LYRM4: variants seen among roughly 807,000 people sequenced by gnomAD.
LYRM4 encodes LYR motif containing 4, also known as LYR motif-containing protein 4.
Under a neutral mutation model 11.7 loss-of-function variants are expected in LYRM4, and 9 were observed. That is an observed-to-expected ratio of 0.77 (90% CI 0.46 to 1.34). The LOEUF is 1.34. LYRM4 is among the 40% of genes most tolerant of loss of function. The pLI, the probability that LYRM4 is intolerant of heterozygous loss-of-function variation, is 0.00. For missense variants in LYRM4, 133 were observed against 112.5 expected, an observed-to-expected ratio of 1.18 and a Z score of -0.82; for synonymous variants, 42 against 40.4, an observed-to-expected ratio of 1.04 and a Z score of -0.15.
At chr6:5,244,951 C>A (rs79307948) in intron 1 of LYRM4, among the ~76,000 whole-genome samples, 3 of 150,748 alleles carry the variant, frequency 2.0e-5, no homozygotes, top group African/African-American at 7.3e-5. Context: ...TGCTGAGGCT[C>A]ATCCCCTGCT....
intron 1 of LYRM4, among the ~76,000 whole-genome samples, chr6:5,248,751 T>C (rs1581598752): frequency 6.6e-6 from 1 of 152,386 alleles, no homozygotes. Flanking sequence ...CATTTCACTA[T>C]TGGTATATTG....
chr6:5,098,250 G>T, the LYRM4 span, among the ~76,000 whole-genome samples: 1 of 152,190 alleles, frequency 6.6e-6, no homozygotes, highest in Non-Finnish European at 1.5e-5. Flanking sequence ...TCTTCATTCA[G>T]ATGGACCCTC....
At chr6:5,228,136 T>TAAAAC (rs143301751) in intron 1 of LYRM4, among the ~76,000 whole-genome samples, 7,418 of 151,922 alleles carry the variant, frequency 0.049, 589 homozygotes, top group African/African-American at 0.16. Flanking sequence ...GAACTTAAAG[T>TAAAAC]AAAACAAAAC....
At chr6:5,210,630 T>C (rs987043926) in intron 2 of LYRM4, among the ~76,000 whole-genome samples, 3 of 152,356 alleles carry the variant, frequency 2.0e-5, no homozygotes, top group East Asian at 1.9e-4. Context: ...AACTTTTTCA[T>C]CTTCCCAAAT....
intron 1 of LYRM4, among the ~76,000 whole-genome samples, chr6:5,230,232 A>C (rs931165820): frequency 2.0e-5 from 3 of 152,188 alleles, no homozygotes; most frequent in East Asian, 1.9e-4. Context: ...ACATGCTCCT[A>C]AACTCAAAGA....
chr6:5,210,464 A>G (rs754975862), intron 2 of LYRM4, among the ~76,000 whole-genome samples: 33 of 152,186 alleles, frequency 2.2e-4, no homozygotes, highest in Non-Finnish European at 4.0e-4. Context: ...CAGTTAAAAA[A>G]AAAAACCAAT....
At chr6:5,189,069 G>C (rs1279691818) in intron 2 of LYRM4, among the ~76,000 whole-genome samples, 1 of 152,190 alleles carries the variant, frequency 6.6e-6, no homozygotes, top group Non-Finnish European at 1.5e-5. Flanking sequence ...CTCCCACGGT[G>C]CCTGACCCAA....
At chr6:5,250,749 T>G (rs2753233) in intron 1 of LYRM4, among the ~76,000 whole-genome samples, 43,554 of 151,956 alleles carry the variant, frequency 0.29, 7,864 homozygotes, top group African/African-American at 0.51. Flanking sequence ...GGAAACAACT[T>G]AGAAAATTTT....
intron 2 of LYRM4, among the ~76,000 whole-genome samples, chr6:5,186,073 C>T (rs189419252): frequency 4.6e-5 from 7 of 152,202 alleles, no homozygotes; most frequent in East Asian, 3.9e-4. Context: ...GCTGGTTCAG[C>T]GCAGCATGGG....
chr6:5,061,950 C>G, the LYRM4 span, among the ~76,000 whole-genome samples: 7 of 152,270 alleles, frequency 4.6e-5, no homozygotes, highest in Non-Finnish European at 7.3e-5. Flanking sequence ...ATAATTAACT[C>G]TGGTACTTTC....
chr6:5,066,249 G>T, the LYRM4 span: 1 of 723,676 alleles, frequency 1.4e-6, no homozygotes, highest in Non-Finnish European at 2.6e-6. Flanking sequence ...CATGATACAA[G>T]TCTGGATTTC....
Position 5,143,516 on chromosome 6 carries a change from C to T in LYRM4, c.208-34025G>A, listed in dbSNP as rs182135858. 9.2e-5 allele frequency among the ~76,000 whole-genome samples: 14 copies of T among 152,288 alleles called. No individual in the cohort carries two copies. In the East Asian group the frequency reaches 2.5e-3, roughly 27 times the overall value. ...ACAAACCGAGTATTGTGTCCTTGGC[C>T]TTGAGATGTGGCTGGCATAGGCCTA... is the stretch of plus-strand genomic sequence containing the variant. On this transcript the variant is annotated intron_variant, in intron 2 of 2. Coordinates refer to ENST00000330636, the MANE Select transcript of LYRM4 (RefSeq NM_020408.6).
intron 2 of LYRM4, among the ~76,000 whole-genome samples, chr6:5,143,471 T>G (rs1252967215): frequency 6.6e-6 from 1 of 152,042 alleles, no homozygotes; most frequent in Non-Finnish European, 1.5e-5. Flanking sequence ...ACAGACACAA[T>G]AACAGGACCT....
At chr6:5,181,074 A>G (rs1760043537) in intron 2 of LYRM4, among the ~76,000 whole-genome samples, 1 of 152,220 alleles carries the variant, frequency 6.6e-6, no homozygotes. Context: ...ACGCCCATTT[A>G]AGATGAATTT....
chr6:5,133,496 A>G (rs1764051007), intron 2 of LYRM4, among the ~76,000 whole-genome samples: 1 of 152,208 alleles, frequency 6.6e-6, no homozygotes, highest in Non-Finnish European at 1.5e-5. Context: ...CCTTGCGTGT[A>G]CACTGGCATC....
chr6:5,213,818 C>T (rs991074442), intron 2 of LYRM4, among the ~76,000 whole-genome samples: 3 of 152,180 alleles, frequency 2.0e-5, no homozygotes, highest in Non-Finnish European at 4.4e-5. Flanking sequence ...GTGGGATGTT[C>T]TAGATCCTGT....
the LYRM4 span, among the ~76,000 whole-genome samples, chr6:5,074,739 TGGA>T: frequency 2.0e-5 from 3 of 151,916 alleles, no homozygotes; most frequent in Non-Finnish European, 4.4e-5. Context: ...GGAAGTGATT[TGGA>T]GGAGATTTCT....
At chr6:5,039,682 G>A in the LYRM4 span, among the ~76,000 whole-genome samples, 1 of 152,150 alleles carries the variant, frequency 6.6e-6, no homozygotes, top group Non-Finnish European at 1.5e-5. Context: ...GGAGCATTCT[G>A]ACATCCAATT....
chr6:5,148,662 C>CCT (rs61670380), intron 2 of LYRM4, among the ~76,000 whole-genome samples: 14,985 of 150,584 alleles, frequency 0.1, 756 homozygotes, highest in Middle Eastern at 0.17. Context: ...CACACACACA[C>CCT]CTCTCTCTCT....
Sources: gnomAD v4.1 joint callset for allele counts (sites outside exome capture counted in the v4.1 genomes callset) on GRCh38, gnomAD v4.1.1 for gene constraint, MANE v1.5 for transcripts, NCBI Gene and HGNC (gene_info 2026-07-23, HGNC 2026-07-21) for gene names.